IGSF22: variants seen among roughly 807,000 people sequenced by gnomAD.
IGSF22 encodes the protein immunoglobulin superfamily, member 22.
In IGSF22, 119 loss-of-function variants were observed where a neutral mutation model predicts 127.0. The observed-to-expected ratio is 0.94, with a 90% confidence interval of 0.81 to 1.09. IGSF22 has a LOEUF of 1.09. Among genes scored for constraint, IGSF22 ranks in the 50% least tolerant of loss-of-function variants. IGSF22 has a pLI of 0.00. For synonymous variants in IGSF22, 568 were observed against 664.7 expected, an observed-to-expected ratio of 0.85 and a Z score of 2.24; for missense variants, 1,518 against 1,716.6, an observed-to-expected ratio of 0.88 and a Z score of 2.04.
intron 1 of IGSF22, among the ~76,000 whole-genome samples, chr11:18,725,769 G>C (rs775221267): frequency 3.9e-5 from 6 of 152,138 alleles, no homozygotes; most frequent in Non-Finnish European, 8.8e-5. Flanking sequence ...GTCCTATTTC[G>C]TATATGAGGA....
chr11:18,707,492 C>T (rs891721300), intron 20 of IGSF22: 1 of 526,928 alleles, frequency 1.9e-6, no homozygotes. Flanking sequence ...CATGTAGTTA[C>T]TGTTCAGTAA....
chr11:18,707,273 C>A, intron 20 of IGSF22, 60 bp from the exon 21 acceptor site: 1 of 1,403,510 alleles, frequency 7.1e-7, no homozygotes, highest in Non-Finnish European at 9.5e-7. Context: ...ATGTCCCCAC[C>A]CCAGCCATCT....
intron 18 of IGSF22, among the ~76,000 whole-genome samples, chr11:18,708,650 C>G (rs1481503623): frequency 5.9e-5 from 9 of 152,216 alleles, no homozygotes; most frequent in African/African-American, 1.9e-4. Context: ...TGCCCTTAAT[C>G]ATTCCTGGTT....
At chr11:18,710,101 A>C (rs1285406480) in intron 17 of IGSF22, among the ~76,000 whole-genome samples, 1 of 151,966 alleles carries the variant, frequency 6.6e-6, no homozygotes, top group Non-Finnish European at 1.5e-5. Flanking sequence ...AAATACACGA[A>C]ATTTAAAAAA....
chr11:18,709,731 C>T lies in IGSF22; in HGVS notation c.2702-48G>A, dbSNP rs544778302. The T allele has an allele frequency of 2.2e-5, 35 of 1,560,344 alleles. No individual in the cohort carries two copies. Among genetic ancestry groups the T allele is most frequent in the Admixed American group, 1.4e-4 (8 of 55,362 alleles). ...TCAGCCCCTCCAACTCATCTCCACT[C>T]AATGCCTTGCTCACTTCCCACACTC... On this transcript the variant is annotated intron_variant, in intron 17 of 22. Transcript: ENST00000513874. The surrounding 1 kb of genome is among the most constrained non-coding windows in gnomAD (Gnocchi z 4.8).
At position 18,707,200 on chromosome 11, in the gene IGSF22, G is replaced by C; in HGVS notation, c.3294C>G (p.Pro1098=). The change falls in exon 21 of 23, where the codon CCC becomes CCG. Residue 1098 remains proline (P), a synonymous_variant. Coordinates refer to ENST00000513874, the MANE Select transcript of IGSF22 (RefSeq NM_173588.4). ...CCTCAAACAACCGTAGGTTTGTGGG[G>C]GGCCGAGGGAAATCTGGAAGAGTTG... ...IHVRVADFPR[P]PTNLRLFEEV... The C allele has an allele frequency of 6.5e-7, 1 of 1,532,066 alleles. No homozygotes were observed. Among genetic ancestry groups the C allele is most frequent in the Non-Finnish European group, 8.8e-7 (1 of 1,134,768 alleles). The allele number at this position is 1,532,066 out of a possible 1,614,324, so 94.9% of individuals were successfully genotyped here. A position where few individuals can be genotyped will look rare whatever the true frequency, so the allele number is the denominator to read the frequency against.
rs1848180045 is a variant in IGSF22, at chr11:18,704,345, A to G, written c.*123T>C. The G allele has an allele frequency of 4.3e-6, 3 of 694,424 alleles. No homozygotes were observed. Among genetic ancestry groups the G allele is most frequent in the East Asian group, 2.7e-5 (1 of 36,712 alleles). The allele number at this position is 694,424 out of a possible 1,614,324, so 43.0% of individuals were successfully genotyped here. ...GTTACGTTTATTGCCCCATCCCTTCACTGAATGTTTACATTAACAAACACC... is the reference window on the plus strand; with the variant it reads ...GTTACGTTTATTGCCCCATCCCTTCGCTGAATGTTTACATTAACAAACACC... On this transcript the variant is annotated 3_prime_UTR_variant, in exon 23 of 23. Transcript: ENST00000513874.
chr11:18,714,623 C>T lies in IGSF22; in HGVS notation c.1533G>A (p.Glu511=), dbSNP rs1412949342. Residue 511 remains glutamate, a splice_region_variant and synonymous_variant, in exon 12 of 23, where the codon GAG becomes GAA. Transcript: ENST00000513874. The part of the protein sequence containing the change: ...YYSTAIVTVE[E]RLATVKSGMS... ...TCCCGCTCTTCACTGTGGCCAGACG[C>T]TCTGGGGAGAAAGGTGGGCAAGGGA... The T allele has an allele frequency of 2.5e-6, 4 of 1,613,820 alleles. No individual in the cohort carries two copies. The highest frequency in any genetic ancestry group is 3.3e-5 in the Admixed American group (2 of 60,002).
chr11:18,714,333 C>T lies in IGSF22; in HGVS notation c.1742G>A (p.Gly581Asp), dbSNP rs1187149388. Reference protein sequence around the residue: ...IFPSMGPEHEGKYTFRAKGTE... With the variant: ...IFPSMGPEHEDKYTFRAKGTE... ...GCCCTTGGCCCGGAATGTGTACTTG[C>T]CCTCGTGCTCAGGGCCCATACTGGG... Residue 581 changes from glycine (G) to aspartate (D), a missense_variant, in exon 13 of 23, where the codon GGC becomes GAC. Physicochemically the swap from Gly to Asp is moderately conservative, Grantham distance 94 (BLOSUM62 -1). This residue lies in a region of IGSF22 where 1,456 missense variants were observed against 1,644.9 expected (regional missense o/e 0.89). Coordinates refer to ENST00000513874, the MANE Select transcript of IGSF22 (RefSeq NM_173588.4). 2 of 1,614,096 alleles carry T rather than the reference C, an allele frequency of 1.2e-6. No individual in the cohort carries two copies. The highest frequency in any genetic ancestry group is 1.3e-5 in the African/African-American group (1 of 74,924).
intron 14 of IGSF22, 140 bp from the exon 15 acceptor site, chr11:18,712,524 AC>A: frequency 1.4e-6 from 1 of 726,002 alleles, no homozygotes; most frequent in Non-Finnish European, 2.2e-6. Flanking sequence ...CCCTGTGTCC[AC>A]CATCCCTCCT....
chr11:18,724,123 C>T lies in IGSF22; in HGVS notation c.109+5G>A. The T allele has an allele frequency of 1.2e-6, 2 of 1,610,016 alleles. No individual in the cohort carries two copies. Among genetic ancestry groups the T allele is most frequent in the South Asian group, 2.2e-5 (2 of 90,880 alleles). ...CGATCCCTTCCCTGCCCCCATTCCACTTGCCTCCCACGATCTTGGTTGTCT... is the reference window on the plus strand; with the variant it reads ...CGATCCCTTCCCTGCCCCCATTCCATTTGCCTCCCACGATCTTGGTTGTCT... On this transcript the variant is annotated splice_donor_5th_base_variant and intron_variant, in intron 2 of 22. Transcript: ENST00000513874.
Position 18,715,664 on chromosome 11 carries a change from C to A in IGSF22, c.1299G>T (p.Arg433Ser). 6.2e-7 allele frequency: 1 copy of A among 1,613,832 alleles called. No individual in the cohort carries two copies. The change falls in exon 11 of 23, where the codon AGG becomes AGT. Residue 433 changes from arginine (R) to serine (S), a missense_variant. By Grantham distance (110) the Arg-to-Ser change is moderately radical (BLOSUM62 -1). Transcript: ENST00000513874. ...GCTCACACTCCAGGCATGCGCGACT[C>A]CTCTCTTTCACACGTACATTTTTGA... ...SNLKNVRVKE[R>S]SRACLECELT...
rs750981239 is a variant in IGSF22 at position 18,706,114 on chromosome 11, C to T, written c.3613G>A (p.Glu1205Lys). Residue 1205 changes from glutamate (E) to lysine (K), a missense_variant, in exon 22 of 23, where the codon GAG becomes AAG. This residue lies in a region of IGSF22 where 1,456 missense variants were observed against 1,644.9 expected (regional missense o/e 0.89). Transcript: ENST00000513874. ...QDLSAKLKPY[E>K]KKDWRHAPRF... ...GGCGCGTGGCGCCAGTCCTTCTTCT[C>T]GTAGGGCTTGAGCTTGGCGCTCAGG... The T allele has an allele frequency of 1.9e-6, 3 of 1,545,204 alleles. No individual in the cohort carries two copies. The highest frequency in any genetic ancestry group is 2.4e-5 in the East Asian group (1 of 40,900).
At chr11:18,719,167 C>T (rs1052631919) in intron 7 of IGSF22, among the ~76,000 whole-genome samples, 64 of 152,244 alleles carry the variant, frequency 4.2e-4, no homozygotes, top group African/African-American at 1.3e-3. Flanking sequence ...TGTTTTGAGA[C>T]GGAGTCTTGC....
chr11:18,706,545 C>T (rs1418286503), intron 21 of IGSF22: 6 of 357,710 alleles, frequency 1.7e-5, no homozygotes, highest in Admixed American at 8.8e-5. Context: ...CCCGACGCGG[C>T]CCCCACCCTT....
chr11:18,709,327 A>G lies in IGSF22; in HGVS notation c.2998+60T>C. 6.6e-7 allele frequency: 1 copy of G among 1,525,548 alleles called. No homozygotes were observed. Among genetic ancestry groups the G allele is most frequent in the East Asian group, 2.3e-5 (1 of 44,190 alleles). 94.5% of individuals were successfully genotyped at this position (1,525,548 alleles called of 1,614,324 possible). A position where few individuals can be genotyped will look rare whatever the true frequency, so the allele number is the denominator to read the frequency against. ...ATTTTCCTGTGGGATGAGGCCCCAG[A>G]GGAGAAGGTTTGGAGGTACAATGTT... On this transcript the variant is annotated intron_variant, in intron 18 of 22. Coordinates refer to ENST00000513874, the MANE Select transcript of IGSF22 (RefSeq NM_173588.4). This position sits in a 1 kb window ranked among gnomAD's most constrained non-coding sequence, Gnocchi z 4.8.
At position 18,718,079 on chromosome 11, in the gene IGSF22, C is replaced by T; in HGVS notation, c.825G>A (p.Leu275=). The T allele has an allele frequency of 6.2e-7, 1 of 1,614,032 alleles. No homozygotes were observed. Among genetic ancestry groups the T allele is most frequent in the Non-Finnish European group, 8.5e-7 (1 of 1,179,914 alleles). ...KMIWIKGTEP[L]RIQYSLGKYD... is the part of the protein sequence containing the mutation. ...ACTTGCCCAGGGAGTACTGGATCCT[C>T]AGTGGCTCAGTACCCTGCCTCATGG... Residue 275 remains leucine (L), a synonymous_variant, in exon 9 of 23, where the codon CTG becomes CTA. Coordinates refer to ENST00000513874, the MANE Select transcript of IGSF22 (RefSeq NM_173588.4).
rs776905871 is a variant in IGSF22 at position 18,721,535 on chromosome 11, C to T, written c.378G>A (p.Lys126=). ...YDSINKEHVL[K]LEPLTSDDSD... is the part of the protein sequence containing the mutation. ...CTGGACTTGGGCTTGGCCCCCGCAC[C>T]TTCAGCACGTGTTCCTTGTTAATGC... The change falls in exon 4 of 23, where the codon AAG becomes AAA. Residue 126 remains lysine (K), a splice_region_variant and synonymous_variant. Coordinates refer to ENST00000513874, the MANE Select transcript of IGSF22 (RefSeq NM_173588.4). 14 of 1,614,140 alleles carry T rather than the reference C, an allele frequency of 8.7e-6. No individual in the cohort carries two copies. In the African/African-American group the frequency reaches 1.9e-4, roughly 22 times the overall value.
Position 18,716,040 on chromosome 11 carries a change from T to C in IGSF22, c.1247-324A>G, listed in dbSNP as rs1194777088. Among the ~76,000 whole-genome samples the C allele has an allele frequency of 6.6e-6, 1 of 152,216 alleles. No homozygotes were observed. Among genetic ancestry groups the C allele is most frequent in the East Asian group, 1.9e-4 (1 of 5,202 alleles). The stretch of plus-strand genomic sequence containing the variant: ...AGCTCCAACCATACCTGCATTGTCT[T>C]TCTAATGTCTGGACATTTATACATG... On this transcript the variant is annotated intron_variant, in intron 10 of 22. Transcript: ENST00000513874. This position sits in a 1 kb window ranked among gnomAD's most constrained non-coding sequence, Gnocchi z 4.5.
Sources: allele counts gnomAD v4.1 joint callset (sites outside exome capture counted in the v4.1 genomes callset), GRCh38; gene constraint gnomAD v4.1.1; regional missense constraint gnomAD v4.1.1; non-coding constraint Gnocchi (gnomAD v3.1); transcripts MANE v1.5; gene names NCBI Gene and HGNC (gene_info 2026-07-23, HGNC 2026-07-21).